Variants in ZP4 observed in about 807,000 individuals in gnomAD.
ZP4 encodes zona pellucida glycoprotein 4.
A neutral mutation model predicts 62.3 loss-of-function variants in ZP4; 62 were observed. The observed-to-expected ratio is 0.99, with a 90% CI of 0.81 to 1.23. The LOEUF (loss-of-function observed/expected upper bound fraction) is 1.23, where lower values mean the gene tolerates loss of function less well. ZP4 is among the 50% of genes most tolerant of loss of function. The probability of loss-of-function intolerance (pLI) is 0.00; values close to 1 mark genes in which losing one functional copy is unlikely to be tolerated. For missense variants in ZP4, 774 were observed against 656.0 expected, an observed-to-expected ratio of 1.18 and a Z score of -1.97; for synonymous variants, 289 against 247.3, an observed-to-expected ratio of 1.17 and a Z score of -1.58.
intron 6 of ZP4, 91 bp from the exon 7 acceptor site, chr1:237,885,977 G>A: frequency 6.5e-7 from 1 of 1,546,050 alleles, no homozygotes; most frequent in South Asian, 1.2e-5. Context: ...AGCATTAAGT[G>A]CTAGACAAGT....
rs375152514 is a variant in ZP4, at chr1:237,886,908, G to C, written c.742-40C>G. ...GGAGAAGTCTTGATCATTTCTGTTA[G>C]TGTTATGCTGCTTGACTTGCATCTG... On this transcript the variant is annotated intron_variant, in intron 5 of 11. Coordinates refer to ENST00000366570, the MANE Select transcript of ZP4 (RefSeq NM_021186.5). 3 of 1,555,748 alleles carry C rather than the reference G, an allele frequency of 1.9e-6. No homozygotes were observed. In the African/African-American group the frequency reaches 4.1e-5, roughly 21 times the overall value.
At chr1:237,887,113 A>G (rs1000847358) in intron 5 of ZP4, among the ~76,000 whole-genome samples, 2 of 152,200 alleles carry the variant, frequency 1.3e-5, no homozygotes, top group African/African-American at 4.8e-5. Flanking sequence ...AATTCCAGTC[A>G]GCATCCCTGC....
intron 3 of ZP4, among the ~76,000 whole-genome samples, chr1:237,889,531 T>G (rs921624895): frequency 2.0e-5 from 3 of 152,012 alleles, no homozygotes; most frequent in African/African-American, 7.3e-5. Context: ...TTGGTCAGGC[T>G]GGACTCCAAC....
At position 237,885,802 on chromosome 1, in the gene ZP4, A is replaced by G. The variant is rs1170210512; in HGVS notation, c.924T>C (p.Pro308=). ...GAGTGAGGGGTCCAGGCTGGGTCTC[A>G]GGAAAGGGTGGTGGGAGAGTGAAAA... ...VQVFTLPPPF[P]ETQPGPLTLE... The change falls in exon 7 of 12, where the codon CCT becomes CCC. Residue 308 remains proline (P), a synonymous_variant. Transcript: ENST00000366570. The G allele has an allele frequency of 6.2e-7, 1 of 1,614,162 alleles. No individual in the cohort carries two copies. The highest frequency in any genetic ancestry group is 8.5e-7 in the Non-Finnish European group (1 of 1,180,016).
Position 237,885,489 on chromosome 1 carries a change from G to A in ZP4, c.1062C>T (p.His354=). The change falls in exon 8 of 12, where the codon CAC becomes CAT. Residue 354 remains histidine (H), a synonymous_variant. Transcript: ENST00000366570. ...DPIYVEVSIL[H]RTDPYLGLLL... Reference sequence around the variant, plus strand: ...GCAGCCCCAGGTAGGGGTCTGTTCTGTGAAGGATGGAGACCTCCACGTAAA... The same window carrying A: ...GCAGCCCCAGGTAGGGGTCTGTTCTATGAAGGATGGAGACCTCCACGTAAA... The A allele has an allele frequency of 6.2e-7, 1 of 1,614,192 alleles. No homozygotes were observed. The highest frequency in any genetic ancestry group is 8.5e-7 in the Non-Finnish European group (1 of 1,180,030).
In ZP4 at chr1:237,885,545, A is replaced by C; in HGVS notation, c.1006T>G (p.Tyr336Asp). Reference protein sequence around the residue: ...NYGSYYGVGDYPVVKLLRDPI... With the variant: ...NYGSYYGVGDDPVVKLLRDPI... ...TCCCGAAGCAACTTCACCACTGGGTAGTCACCAACACCGTAGTAAGAGCCA... is the reference window on the plus strand; with the variant it reads ...TCCCGAAGCAACTTCACCACTGGGTCGTCACCAACACCGTAGTAAGAGCCA... The change falls in exon 8 of 12, where the codon TAC becomes GAC. Residue 336 changes from tyrosine (Y) to aspartate (D), a missense_variant. Tyr to Asp is a radical substitution (Grantham distance 160). Transcript: ENST00000366570. 4 of 1,614,166 alleles carry C rather than the reference A, an allele frequency of 2.5e-6. No homozygotes were observed. The highest frequency in any genetic ancestry group is 3.4e-6 in the Non-Finnish European group (4 of 1,180,012).
At chr1:237,889,217 T>C (rs1465653985) in intron 3 of ZP4, among the ~76,000 whole-genome samples, 2 of 151,912 alleles carry the variant, frequency 1.3e-5, no homozygotes, top group Admixed American at 1.3e-4. Context: ...TCCCCATGGG[T>C]GAAAAGCTCC....
Position 237,888,429 on chromosome 1 carries a change from C to T in ZP4, c.482G>A (p.Arg161Gln), listed in dbSNP as rs755870661. The T allele has an allele frequency of 1.1e-5, 18 of 1,612,172 alleles. No individual in the cohort carries two copies. The South Asian group carries it at 1.2e-4, about 11-fold the overall frequency. ...ACAGCCTAGCCCTTCACAGTCTCCT[C>T]GAGAGATGGGTGAAGGTGCACATGG... is the stretch of plus-strand genomic sequence containing the variant. ...RLPCAPSPISRGDCEGLGCCY... is the reference protein window; with the variant it reads ...RLPCAPSPISQGDCEGLGCCY... Residue 161 changes from arginine to glutamine, a missense_variant, in exon 4 of 12, where the codon CGA becomes CAA. Physicochemically the swap from Arg to Gln is conservative, Grantham distance 43. Transcript: ENST00000366570.
rs1246574395 is a variant in ZP4 at position 237,885,592 on chromosome 1, A to G, written c.971-12T>C. ...GCCATAGTTTTTATCTGCAAGAGGC[A>G]GAAATAAGGATTTGAAGTAGTAATC... On this transcript the variant is annotated splice_polypyrimidine_tract_variant and intron_variant, in intron 7 of 11. Coordinates refer to ENST00000366570, the MANE Select transcript of ZP4 (RefSeq NM_021186.5). The G allele has an allele frequency of 3.1e-6, 5 of 1,611,262 alleles. No individual in the cohort carries two copies. In the South Asian group the frequency reaches 4.4e-5, roughly 14 times the overall value.
chr1:237,887,492 A>T lies in ZP4; in HGVS notation c.623T>A (p.Leu208Gln). The T allele has an allele frequency of 6.2e-7, 1 of 1,614,248 alleles. No individual in the cohort carries two copies. The highest frequency in any genetic ancestry group is 8.5e-7 in the Non-Finnish European group (1 of 1,180,036). The change falls in exon 5 of 12, where the codon CTG (leucine) becomes CAG (glutamine). Residue 208 changes from leucine to glutamine, a missense_variant. Transcript: ENST00000366570. Reference protein sequence around the residue: ...AVSRNVTSPPLLLDSVRLALR... With the variant: ...AVSRNVTSPPQLLDSVRLALR... ...GGCCAAGCGCACAGAATCCAAGAGC[A>T]GTGGTGGCGAGGTCACGTTCCGAGA...
chr1:237,884,406 CTT>C, intron 10 of ZP4, among the ~76,000 whole-genome samples: 1 of 152,158 alleles, frequency 6.6e-6, no homozygotes, highest in African/African-American at 2.4e-5. Flanking sequence ...AGTCATTCTA[CTT>C]ATAGATCTTT....
At chr1:237,883,717 G>GA (rs1345746870) in intron 10 of ZP4, among the ~76,000 whole-genome samples, 27 of 60,420 alleles carry the variant, frequency 4.5e-4, no homozygotes, top group African/African-American at 2.0e-3. Context: ...GGGAGGGCGG[G>GA]GGAGGGCGGG....
At chr1:237,889,821 C>G in intron 3 of ZP4, 46 bp downstream of exon 3, 1 of 1,528,014 alleles carries the variant, frequency 6.5e-7, no homozygotes, top group Non-Finnish European at 9.0e-7. Context: ...CTTTCACACC[C>G]CACCCCCACC....
chr1:237,886,640 G>A, intron 6 of ZP4, 131 bp downstream of exon 6: 1 of 689,974 alleles, frequency 1.4e-6, no homozygotes. Flanking sequence ...GTAATGGGCA[G>A]TGCAATTGGT....
Position 237,884,023 on chromosome 1 carries a change from C to CACACACAA in ZP4, c.1390+745_1390+746insTTGTGTGT, listed in dbSNP as rs1571931032. On this transcript the variant is annotated intron_variant, in intron 10 of 11. Transcript: ENST00000366570. ...ACACACACACACACACACAAACACA[C>CACACACAA]ACACACACAAACACACACAAACACA... Among the ~76,000 whole-genome samples the CACACACAA allele has an allele frequency of 4.6e-3, 301 of 65,176 alleles. 2 individuals are homozygous for CACACACAA. The highest frequency in any genetic ancestry group is 6.8e-3 in the Non-Finnish European group (200 of 29,366). 42.8% of individuals were successfully genotyped at this position (65,176 alleles called of 152,430 possible). A position where few individuals can be genotyped will look rare whatever the true frequency, so the allele number is the denominator to read the frequency against.
At position 237,887,426 on chromosome 1, in the gene ZP4, T is replaced by C; in HGVS notation, c.689A>G (p.Gln230Arg). The C allele has an allele frequency of 6.2e-7, 1 of 1,614,158 alleles. No individual in the cohort carries two copies. Among genetic ancestry groups the C allele is most frequent in the Non-Finnish European group, 8.5e-7 (1 of 1,180,024 alleles). ...DSACNPVMAT[Q>R]AFVLFQFPFT... is the part of the protein sequence containing the mutation. ...TGGAAACTGGAACAGAACAAAAGCT[T>C]GTGTTGCCATCACAGGGTTACACGC... Residue 230 changes from glutamine (Q) to arginine (R), a missense_variant, in exon 5 of 12, where the codon CAA (glutamine) becomes CGA (arginine). Transcript: ENST00000366570.
chr1:237,887,369 C>G lies in ZP4; in HGVS notation c.741+5G>C. ...CAGAGCCAGGAACAAAGCCCAACTG[C>G]TCACCTGTCTTGTGGTGCCACAGGA... is the stretch of plus-strand genomic sequence containing the variant. On this transcript the variant is annotated splice_donor_5th_base_variant and intron_variant, in intron 5 of 11. Coordinates refer to ENST00000366570, the MANE Select transcript of ZP4 (RefSeq NM_021186.5). 1 of 1,613,134 alleles carries G rather than the reference C, an allele frequency of 6.2e-7. No homozygotes were observed. Among genetic ancestry groups the G allele is most frequent in the Non-Finnish European group, 8.5e-7 (1 of 1,179,522 alleles).
intron 4 of ZP4, among the ~76,000 whole-genome samples, chr1:237,888,150 G>A (rs1571934607): frequency 6.6e-6 from 1 of 152,250 alleles, no homozygotes; most frequent in African/African-American, 2.4e-5. Context: ...TCAAGTCTGA[G>A]CGTTATTGAC....
chr1:237,888,691 G>GCA (rs1665167383), intron 3 of ZP4, among the ~76,000 whole-genome samples, 181 bp from the exon 4 acceptor site: 2 of 152,308 alleles, frequency 1.3e-5, no homozygotes, highest in Admixed American at 6.5e-5. Context: ...TTGGGAGGTT[G>GCA]TCAACATTAA....
Sources: gnomAD v4.1 joint callset for allele counts (sites outside exome capture counted in the v4.1 genomes callset) on GRCh38, gnomAD v4.1.1 for gene constraint, MANE v1.5 for transcripts, NCBI Gene and HGNC (gene_info 2026-07-23, HGNC 2026-07-21) for gene names.